The following ZNF365 variants were observed in gnomAD, a reference collection of about 807,000 sequenced individuals.
The protein encoded by ZNF365 is protein ZNF365.
A neutral mutation model predicts 35.0 loss-of-function variants in ZNF365; 22 were observed. That is an observed-to-expected ratio of 0.63 (90% CI 0.45 to 0.90). The LOEUF (loss-of-function observed/expected upper bound fraction) is 0.90, where lower values mean the gene tolerates loss of function less well. Ranked by LOEUF, ZNF365 falls within the 40% of genes least tolerant of loss-of-function variation. ZNF365 has a pLI of 0.00. For missense variants in ZNF365, 448 were observed against 500.3 expected (o/e 0.90, Z 1.00); for synonymous variants, 188 against 196.2 (o/e 0.96, Z 0.35).
chr10:62,468,445 AGTTT>A (rs1840980117), intron 4 of ZNF365, among the ~76,000 whole-genome samples: 1 of 152,212 alleles, frequency 6.6e-6, no homozygotes, highest in Admixed American at 6.5e-5. Context: ...AACAGGATCT[AGTTT>A]GAGGCACTAA....
At chr10:62,419,503 A>T (rs138801094) in intron 3 of ZNF365, among the ~76,000 whole-genome samples, 6 of 152,056 alleles carry the variant, frequency 3.9e-5, no homozygotes, top group African/African-American at 1.4e-4. Context: ...GGAAAAAAAA[A>T]AAAAAAGGAC....
intron 2 of ZNF365, among the ~76,000 whole-genome samples, chr10:62,378,056 C>A (rs542137278): frequency 6.6e-6 from 1 of 152,112 alleles, no homozygotes; most frequent in African/African-American, 2.4e-5. Context: ...TTTGTTCAGG[C>A]GAGACATTTT....
chr10:62,427,471 C>T (rs1018842203), intron 3 of ZNF365, among the ~76,000 whole-genome samples: 5 of 152,152 alleles, frequency 3.3e-5, no homozygotes, highest in African/African-American at 9.7e-5. Context: ...TTTGTTAGCA[C>T]AGCAACAAAA....
At chr10:62,456,816 G>A (rs771315264) in intron 3 of ZNF365, among the ~76,000 whole-genome samples, 1 of 150,696 alleles carries the variant, frequency 6.6e-6, no homozygotes, top group African/African-American at 2.5e-5. Flanking sequence ...ATGATGCTCA[G>A]TTAAAACACA....
rs537751951 is a variant in ZNF365 at position 62,458,616 on chromosome 10, AAT to A, written c.925-1123_925-1122del. Among the ~76,000 whole-genome samples, 9 of 152,216 alleles carry A rather than the reference AAT, an allele frequency of 5.9e-5. No individual in the cohort carries two copies. The South Asian group carries it at 1.9e-3, about 32-fold the overall frequency. ...TACATTTTTGCTACTGGCTTAATTG[AAT>A]ACCCTTCTAGAAGAGTTTTGAAAGC... On this transcript the variant is annotated intron_variant, in intron 3 of 4. Coordinates refer to the ZNF365 transcript ENST00000395255.
intron 3 of ZNF365, among the ~76,000 whole-genome samples, chr10:62,416,317 T>C (rs891876027): frequency 3.3e-5 from 5 of 152,028 alleles, no homozygotes; most frequent in African/African-American, 1.2e-4. Flanking sequence ...AGAAATAACT[T>C]GGTAAAAGAG....
At chr10:62,424,321 C>T (rs1460401404) in intron 3 of ZNF365, among the ~76,000 whole-genome samples, 3 of 152,084 alleles carry the variant, frequency 2.0e-5, no homozygotes, top group African/African-American at 7.2e-5. Flanking sequence ...TTTGCAGGCA[C>T]CAGTACCATG....
intron 3 of ZNF365, among the ~76,000 whole-genome samples, chr10:62,432,695 A>G (rs1333287077): frequency 1.3e-5 from 2 of 152,222 alleles, no homozygotes; most frequent in Non-Finnish European, 1.5e-5. Flanking sequence ...GGTAAAATGT[A>G]AATGCACAAC....
chr10:62,419,833 T>C (rs1371690775), intron 3 of ZNF365, among the ~76,000 whole-genome samples: 2 of 152,196 alleles, frequency 1.3e-5, no homozygotes, highest in African/African-American at 2.4e-5. Context: ...TTTTATTCCC[T>C]ACCCAAGGTC....
chr10:62,417,431 G>T (rs1458273613), intron 3 of ZNF365, among the ~76,000 whole-genome samples: 1 of 151,970 alleles, frequency 6.6e-6, no homozygotes, highest in Non-Finnish European at 1.5e-5. Flanking sequence ...CTAATGCCGT[G>T]TTTGGTTCAG....
intron 2 of ZNF365, among the ~76,000 whole-genome samples, chr10:62,385,584 T>A (rs1285026662): frequency 6.6e-6 from 1 of 152,164 alleles, no homozygotes; most frequent in Non-Finnish European, 1.5e-5. Context: ...GAATGGTAAA[T>A]GTGCACAGAG....
intron 2 of ZNF365, among the ~76,000 whole-genome samples, chr10:62,387,816 G>C (rs1349565506): frequency 3.3e-5 from 5 of 152,164 alleles, no homozygotes; most frequent in Non-Finnish European, 4.4e-5. Context: ...TCCCTGTAGA[G>C]TTTTCTCTCC....
At chr10:62,409,059 A>G (rs928727546) in intron 3 of ZNF365, among the ~76,000 whole-genome samples, 1 of 152,148 alleles carries the variant, frequency 6.6e-6, no homozygotes, top group Non-Finnish European at 1.5e-5. Context: ...GCCATCTCCT[A>G]CTTAGAAGCT....
intron 2 of ZNF365, among the ~76,000 whole-genome samples, chr10:62,387,342 G>A (rs897895033): frequency 1.3e-5 from 2 of 152,120 alleles, no homozygotes; most frequent in African/African-American, 4.8e-5. Flanking sequence ...ATGTTCATGA[G>A]GATGGCTACC....
At position 62,399,829 on chromosome 10, in the gene ZNF365, G is replaced by A. The variant is rs1216163937; in HGVS notation, c.*40G>A. ...CTGGACCAATCATCGCTGGGCTTTG[G>A]GGAACGTTGTTCCAGGAGCCAACAG... is the stretch of plus-strand genomic sequence containing the variant. On this transcript the variant is annotated 3_prime_UTR_variant, in exon 5 of 5. Coordinates refer to ENST00000395254, the MANE Select transcript of ZNF365 (RefSeq NM_014951.3). 6.4e-7 allele frequency: 1 copy of A among 1,570,634 alleles called. No homozygotes were observed. The highest frequency in any genetic ancestry group is 8.6e-7 in the Non-Finnish European group (1 of 1,156,986).
In ZNF365 at chr10:62,465,632, C is replaced by A. The variant is rs146401937; in HGVS notation, c.981+5835C>A. On this transcript the variant is annotated intron_variant, in intron 4 of 4. Transcript: ENST00000395255. ...TAGACTCAGACACTCACTGGGACAA[C>A]CTGCCTGTGGATAGAGGCTACCCAC... is the stretch of plus-strand genomic sequence containing the variant. Among the ~76,000 whole-genome samples, 526 of 152,264 alleles carry A rather than the reference C, an allele frequency of 3.5e-3. 4 individuals are homozygous for A. The highest frequency in any genetic ancestry group is 0.012 in the African/African-American group (491 of 41,546).
chr10:62,472,091 C>A (rs541395087), intron 4 of ZNF365, among the ~76,000 whole-genome samples: 2 of 152,210 alleles, frequency 1.3e-5, no homozygotes, highest in African/African-American at 4.8e-5. Flanking sequence ...ACTTAGCTAT[C>A]GGGCTCCCTG....
intron 3 of ZNF365, among the ~76,000 whole-genome samples, chr10:62,413,727 A>G (rs1210567788): frequency 1.3e-5 from 2 of 152,278 alleles, no homozygotes; most frequent in African/African-American, 2.4e-5. Context: ...CTGCATCTTA[A>G]TAGGATTTTT....
intron 4 of ZNF365, among the ~76,000 whole-genome samples, chr10:62,478,777 T>C (rs1841173902): frequency 6.6e-6 from 1 of 152,172 alleles, no homozygotes. Flanking sequence ...GGTTTCACCA[T>C]GTTAGCCAGG....
Sources: gnomAD v4.1 joint callset for allele counts (sites outside exome capture counted in the v4.1 genomes callset) on GRCh38, gnomAD v4.1.1 for gene constraint, MANE v1.5 for transcripts, NCBI Gene and HGNC (gene_info 2026-07-23, HGNC 2026-07-21) for gene names.